TSHZ2: variants seen among roughly 807,000 people sequenced by gnomAD.
TSHZ2 encodes the protein teashirt homolog 2.
Under a neutral mutation model 74.4 loss-of-function variants are expected in TSHZ2, and 21 were observed. The observed-to-expected ratio is 0.28, with a 90% CI of 0.20 to 0.41. TSHZ2 has a LOEUF of 0.41. Ranked by LOEUF, TSHZ2 falls within the 10% of genes least tolerant of loss-of-function variation. TSHZ2 has a pLI of 1.00. For synonymous variants in TSHZ2, 540 were observed against 515.3 expected (o/e 1.05, Z -0.65); for missense variants, 1,244 against 1,293.5 (o/e 0.96, Z 0.59).
intron 1 of TSHZ2, among the ~76,000 whole-genome samples, chr20:53,105,769 C>T (rs1265515707): frequency 6.6e-6 from 1 of 152,144 alleles, no homozygotes; most frequent in Non-Finnish European, 1.5e-5. Context: ...ACCTCAGCCT[C>T]CTGAGTAGCT....
chr20:53,156,675 C>CT (rs1231654290), intron 1 of TSHZ2, among the ~76,000 whole-genome samples: 3 of 152,124 alleles, frequency 2.0e-5, no homozygotes, highest in Non-Finnish European at 4.4e-5. Flanking sequence ...CTTGTGTAGC[C>CT]CAGAAAGAAA....
Position 53,284,930 on chromosome 20 carries a change from T to C in TSHZ2, c.*8+28359T>C, listed in dbSNP as rs1446450552. On this transcript the variant is annotated intron_variant, in intron 2 of 2. Transcript: ENST00000371497. Reference sequence around the variant, plus strand: ...AGGCCTGATCGTTTCAGTTCAGTGATATGAAAGGCAGCAGAGGAAATGATC... The same window carrying C: ...AGGCCTGATCGTTTCAGTTCAGTGACATGAAAGGCAGCAGAGGAAATGATC... 3.3e-5 allele frequency among the ~76,000 whole-genome samples: 5 copies of C among 152,118 alleles called. No homozygotes were observed. The East Asian group carries it at 7.7e-4, about 23-fold the overall frequency.
At chr20:53,317,953 G>T (rs1979091427) in intron 2 of TSHZ2, among the ~76,000 whole-genome samples, 1 of 152,220 alleles carries the variant, frequency 6.6e-6, no homozygotes, top group Non-Finnish European at 1.5e-5. Context: ...AGGAAAGATG[G>T]ACATCAATTT....
intron 1 of TSHZ2, among the ~76,000 whole-genome samples, chr20:53,122,700 T>C (rs564778306): frequency 6.6e-6 from 1 of 152,240 alleles, no homozygotes; most frequent in Non-Finnish European, 1.5e-5. Flanking sequence ...TGGATATTTT[T>C]CGGCAAGGCT....
intron 1 of TSHZ2, among the ~76,000 whole-genome samples, chr20:53,080,560 T>C (rs1198331550): frequency 6.6e-6 from 1 of 152,124 alleles, no homozygotes; most frequent in Non-Finnish European, 1.5e-5. Flanking sequence ...ATGAAAGTCT[T>C]TCACCTCGGA....
chr20:53,024,999 G>A (rs1983384406), intron 1 of TSHZ2, among the ~76,000 whole-genome samples: 1 of 152,026 alleles, frequency 6.6e-6, no homozygotes, highest in Admixed American at 6.6e-5. Flanking sequence ...TTTTAAGCAT[G>A]CAACCCTAAA....
rs1363845690 is a variant in TSHZ2 at position 53,255,079 on chromosome 20, T to G, written c.1621T>G (p.Tyr541Asp). ...AAACGGGGCCCCCAGCTGGAGTGCC[T>G]ACCCCAGCATCCACGCAGCCTACCA... is the stretch of plus-strand genomic sequence containing the variant. ...AQNGAPSWSA[Y>D]PSIHAAYQLS... Residue 541 changes from tyrosine to aspartate, a missense_variant, in exon 2 of 3, where the codon TAC becomes GAC. Transcript: ENST00000371497. The surrounding 1 kb of genome is among the most constrained non-coding windows in gnomAD (Gnocchi z 4.1). The G allele has an allele frequency of 6.2e-7, 1 of 1,614,098 alleles. No homozygotes were observed. Among genetic ancestry groups the G allele is most frequent in the Non-Finnish European group, 8.5e-7 (1 of 1,180,020 alleles).
intron 2 of TSHZ2, among the ~76,000 whole-genome samples, chr20:53,389,618 A>G (rs1291051722): frequency 6.6e-6 from 1 of 152,196 alleles, no homozygotes. Context: ...TGAAGTTACA[A>G]CAGTAGGCAG....
chr20:52,992,706 C>A (rs1374404031), intron 1 of TSHZ2, among the ~76,000 whole-genome samples: 2 of 152,064 alleles, frequency 1.3e-5, no homozygotes, highest in African/African-American at 2.4e-5. Flanking sequence ...AATGAGTTTC[C>A]AAACTTGCCA....
At chr20:53,288,261 A>G (rs1379563049) in intron 2 of TSHZ2, among the ~76,000 whole-genome samples, 3 of 151,962 alleles carry the variant, frequency 2.0e-5, no homozygotes, top group Non-Finnish European at 4.4e-5. Flanking sequence ...AAAATTAGCC[A>G]GGTGTGGTGG....
At chr20:53,241,442 T>C (rs2123695619) in intron 1 of TSHZ2, among the ~76,000 whole-genome samples, 1 of 152,324 alleles carries the variant, frequency 6.6e-6, no homozygotes, top group Non-Finnish European at 1.5e-5. Flanking sequence ...CTAATCCCTT[T>C]TATCATTAAC....
chr20:53,008,510 T>G (rs1176428261), intron 1 of TSHZ2, among the ~76,000 whole-genome samples: 2 of 151,906 alleles, frequency 1.3e-5, no homozygotes, highest in African/African-American at 4.8e-5. Flanking sequence ...TTTGGGGGAT[T>G]GGATATTTTC....
chr20:53,070,522 T>C (rs1286641520), intron 1 of TSHZ2, among the ~76,000 whole-genome samples: 1 of 152,236 alleles, frequency 6.6e-6, no homozygotes, highest in Non-Finnish European at 1.5e-5. Flanking sequence ...AGATCATTTT[T>C]ATTTACAATT....
chr20:53,342,955 C>CTTTTTTTTTTTTTTTTTTTTTTTTTTT lies in TSHZ2; in HGVS notation c.*8+86387_*8+86413dup, dbSNP rs1175907478. 7.2e-4 allele frequency among the ~76,000 whole-genome samples: 44 copies of CTTTTTTTTTTTTTTTTTTTTTTTTTTT among 61,242 alleles called. 2 individuals carry two copies. Among genetic ancestry groups the CTTTTTTTTTTTTTTTTTTTTTTTTTTT allele is most frequent in the East Asian group, 1.6e-3 (3 of 1,908 alleles). 40.2% of individuals were successfully genotyped at this position (61,242 alleles called of 152,430 possible). On this transcript the variant is annotated intron_variant, in intron 2 of 2. Coordinates refer to ENST00000371497, the MANE Select transcript of TSHZ2 (RefSeq NM_173485.6). ...TATTTCTTTTCTTTTCTTTTCTTTT[C>CTTTTTTTTTTTTTTTTTTTTTTTTTTT]TTTTTTTTTTTTTTTTTTTTTTTTT...
At chr20:53,223,237 T>C (rs1166468631) in intron 1 of TSHZ2, among the ~76,000 whole-genome samples, 2 of 152,164 alleles carry the variant, frequency 1.3e-5, no homozygotes, top group Non-Finnish European at 2.9e-5. Flanking sequence ...AAGTATGATA[T>C]AGGCACCACT....
At chr20:53,484,087 C>T (rs1986229024) in intron 2 of TSHZ2, among the ~76,000 whole-genome samples, 1 of 152,208 alleles carries the variant, frequency 6.6e-6, no homozygotes, top group Non-Finnish European at 1.5e-5. Flanking sequence ...TTTGACCCAT[C>T]TCTCTTCTTC....
intron 2 of TSHZ2, among the ~76,000 whole-genome samples, chr20:53,441,279 A>ATTT (rs1984313397): frequency 1.2e-5 from 1 of 82,534 alleles, no homozygotes; most frequent in African/African-American, 4.0e-5. Context: ...TATTTTATTT[A>ATTT]TTTTGAGATG....
At chr20:53,391,155 G>GTTTT (rs760406080) in intron 2 of TSHZ2, among the ~76,000 whole-genome samples, 5,048 of 131,722 alleles carry the variant, frequency 0.038, 90 homozygotes, top group African/African-American at 0.084. Flanking sequence ...GTTTTGTTTT[G>GTTTT]GTTTGGTTTG....
chr20:53,145,849 A>G (rs1171075852), intron 1 of TSHZ2, among the ~76,000 whole-genome samples: 3 of 152,228 alleles, frequency 2.0e-5, no homozygotes, highest in Non-Finnish European at 4.4e-5. Context: ...GAACTCTAGC[A>G]TGGATAATTG....
Sources: gnomAD v4.1 joint callset for allele counts (sites outside exome capture counted in the v4.1 genomes callset) on GRCh38, gnomAD v4.1.1 for gene constraint, Gnocchi (gnomAD v3.1) non-coding constraint, MANE v1.5 for transcripts, NCBI Gene and HGNC (gene_info 2026-07-23, HGNC 2026-07-21) for gene names.